The following HINT3 variants were observed in gnomAD, a reference collection of about 807,000 sequenced individuals.
The protein encoded by HINT3 is adenosine 5'-monophosphoramidase HINT3.
HINT3 carries 16 observed loss-of-function variants against 19.1 expected under a neutral mutation model. That is an observed-to-expected ratio of 0.84 (90% CI 0.57 to 1.27). The LOEUF (loss-of-function observed/expected upper bound fraction) is 1.27. Among genes scored for constraint, HINT3 ranks in the 50% most tolerant of loss-of-function variants. HINT3 has a pLI of 0.00. For synonymous variants in HINT3, 75 were observed against 84.8 expected, an observed-to-expected ratio of 0.88 and a Z score of 0.63; for missense variants, 197 against 225.8, an observed-to-expected ratio of 0.87 and a Z score of 0.82.
intron 1 of HINT3, among the ~76,000 whole-genome samples, chr6:125,961,622 T>G (rs1788927780): frequency 6.6e-6 from 1 of 152,162 alleles, no homozygotes; most frequent in Non-Finnish European, 1.5e-5. Flanking sequence ...AGGATGCTGC[T>G]GAAGAGATGA....
intron 2 of HINT3, among the ~76,000 whole-genome samples, chr6:125,969,140 C>T (rs1356995422): frequency 6.6e-6 from 1 of 152,118 alleles, no homozygotes; most frequent in Non-Finnish European, 1.5e-5. Flanking sequence ...AGTTTGAGGT[C>T]CTACATTTAA....
Position 125,956,950 on chromosome 6 carries a change from A to G in HINT3, c.-28A>G, listed in dbSNP as rs1788842383. 1 of 1,546,132 alleles carries G rather than the reference A, an allele frequency of 6.5e-7. No homozygotes were observed. The highest frequency in any genetic ancestry group is 8.7e-7 in the Non-Finnish European group (1 of 1,144,852). On this transcript the variant is annotated 5_prime_UTR_variant, in exon 1 of 5. Coordinates refer to ENST00000229633, the MANE Select transcript of HINT3 (RefSeq NM_138571.5). ...GGGCCCGGTAGCCCTGGAGAGGCCGAGGCTCTAGGCCGCGAGGGGCGGGTG... is the reference window on the plus strand; with the variant it reads ...GGGCCCGGTAGCCCTGGAGAGGCCGGGGCTCTAGGCCGCGAGGGGCGGGTG...
Position 125,962,249 on chromosome 6 carries a change from T to C in HINT3, c.202-4638T>C, listed in dbSNP as rs1176568192. 4.4e-4 allele frequency among the ~76,000 whole-genome samples: 9 copies of C among 20,634 alleles called. 1 individual carries two copies. Among genetic ancestry groups the C allele is most frequent in the Admixed American group, 6.2e-4 (1 of 1,614 alleles). The allele number at this position is 20,634 out of a possible 152,430, so 13.5% of individuals were successfully genotyped here. A position where few individuals can be genotyped will look rare whatever the true frequency, so the allele number is the denominator to read the frequency against. On this transcript the variant is annotated intron_variant, in intron 1 of 4. Coordinates refer to ENST00000229633, the MANE Select transcript of HINT3 (RefSeq NM_138571.5). ...ATATATATATACACATATATATATA[T>C]ACACACATATATATATATATACATA... is the stretch of plus-strand genomic sequence containing the variant.
rs1473283435 is a variant in HINT3, at chr6:125,956,945, G to A, written c.-33G>A. 4 of 1,544,694 alleles carry A rather than the reference G, an allele frequency of 2.6e-6. No individual in the cohort carries two copies. The South Asian group carries it at 4.8e-5, about 18-fold the overall frequency. On this transcript the variant is annotated 5_prime_UTR_variant, in exon 1 of 5. Transcript: ENST00000229633. ...TGCGCGGGCCCGGTAGCCCTGGAGA[G>A]GCCGAGGCTCTAGGCCGCGAGGGGC...
intron 1 of HINT3, among the ~76,000 whole-genome samples, chr6:125,965,324 C>A (rs1026914146): frequency 1.3e-5 from 2 of 152,084 alleles, no homozygotes; most frequent in African/African-American, 4.8e-5. Flanking sequence ...AGGTTGTATT[C>A]TGTACCAGAA....
intron 1 of HINT3, among the ~76,000 whole-genome samples, chr6:125,962,330 T>A (rs1788957714): frequency 7.6e-6 from 1 of 132,340 alleles, no homozygotes; most frequent in African/African-American, 3.0e-5. Context: ...TATATATATA[T>A]CACACACACA....
At position 125,959,538 on chromosome 6, in the gene HINT3, G is replaced by A. The variant is rs540417570; in HGVS notation, c.201+2360G>A. ...CCCCAAAGTGATGTTCATTGACCTT[G>A]AGGAGAGCAATTTCATGAAGTGGTG... is the stretch of plus-strand genomic sequence containing the variant. On this transcript the variant is annotated intron_variant, in intron 1 of 4. Coordinates refer to ENST00000229633, the MANE Select transcript of HINT3 (RefSeq NM_138571.5). Among the ~76,000 whole-genome samples the A allele has an allele frequency of 7.2e-5, 11 of 152,338 alleles. No individual in the cohort carries two copies. In the East Asian group the frequency reaches 2.1e-3, roughly 29 times the overall value.
chr6:125,960,675 GA>G, intron 1 of HINT3, among the ~76,000 whole-genome samples: 1 of 110,084 alleles, frequency 9.1e-6, no homozygotes, highest in Non-Finnish European at 1.9e-5. Flanking sequence ...GAAAAAAAAA[GA>G]AGTTAGGGCA....
Position 125,962,310 on chromosome 6 carries a change from CACATATATAT to C in HINT3, c.202-4575_202-4566del, listed in dbSNP as rs1562212416. Among the ~76,000 whole-genome samples the C allele has an allele frequency of 1.1e-3, 27 of 24,678 alleles. 1 individual carries two copies. The highest frequency in any genetic ancestry group is 1.3e-3 in the Non-Finnish European group (20 of 15,830). 16.2% of individuals were successfully genotyped at this position (24,678 alleles called of 152,430 possible). ...TACACATATATATATATATATATCA[CACATATATAT>C]ATATATATATCACACACACATAACC... On this transcript the variant is annotated intron_variant, in intron 1 of 4. Coordinates refer to ENST00000229633, the MANE Select transcript of HINT3 (RefSeq NM_138571.5).
Position 125,956,970 on chromosome 6 carries a change from C to T in HINT3, c.-8C>T. 1 of 1,549,312 alleles carries T rather than the reference C, an allele frequency of 6.5e-7. No homozygotes were observed. Among genetic ancestry groups the T allele is most frequent in the South Asian group, 1.2e-5 (1 of 83,994 alleles). The stretch of plus-strand genomic sequence containing the variant: ...GGCCGAGGCTCTAGGCCGCGAGGGG[C>T]GGGTGCAATGGCGGAGGAACAGGTG... On this transcript the variant is annotated 5_prime_UTR_variant, in exon 1 of 5. Transcript: ENST00000229633.
At position 125,977,948 on chromosome 6, in the gene HINT3, A is replaced by G. The variant is rs2128712395; in HGVS notation, c.*272A>G. On this transcript the variant is annotated 3_prime_UTR_variant, in exon 5 of 5. Coordinates refer to ENST00000229633, the MANE Select transcript of HINT3 (RefSeq NM_138571.5). The stretch of plus-strand genomic sequence containing the variant: ...ATCCTATTTAAGACAAATTCTGTTA[A>G]TCAACAAGGGCTCTGTATTTTTTTA... The G allele has an allele frequency of 3.6e-6, 1 of 275,824 alleles. No individual in the cohort carries two copies. 17.1% of individuals were successfully genotyped at this position (275,824 alleles called of 1,614,324 possible).
intron 1 of HINT3, among the ~76,000 whole-genome samples, chr6:125,965,276 T>C (rs1468163763): frequency 6.6e-6 from 1 of 152,194 alleles, no homozygotes; most frequent in Non-Finnish European, 1.5e-5. Flanking sequence ...TCATTCCTGC[T>C]GTGAGGTAGA....
rs1789197984 is a variant in HINT3, at chr6:125,977,681, G to A, written c.*5G>A. On this transcript the variant is annotated 3_prime_UTR_variant, in exon 5 of 5. Coordinates refer to ENST00000229633, the MANE Select transcript of HINT3 (RefSeq NM_138571.5). ...ATTGAAAAACTAAGAACATGAAAAT[G>A]TCAAGAGTGGAAGATTTTTCTAATC... 3.3e-6 allele frequency: 5 copies of A among 1,502,554 alleles called. No homozygotes were observed. The highest frequency in any genetic ancestry group is 1.4e-5 in the African/African-American group (1 of 70,276). 93.1% of individuals were successfully genotyped at this position (1,502,554 alleles called of 1,614,324 possible).
In HINT3 at chr6:125,967,521, G is replaced by A. The variant is rs538457651; in HGVS notation, c.319+517G>A. Among the ~76,000 whole-genome samples the A allele has an allele frequency of 7.2e-5, 11 of 151,924 alleles. No individual in the cohort carries two copies. In the South Asian group the frequency reaches 1.0e-3, roughly 14 times the overall value. ...TAATTTTTGTATTTTTAGTAGAGAC[G>A]GAGTTTCACCATGTTGGCCAGGCTG... is the stretch of plus-strand genomic sequence containing the variant. On this transcript the variant is annotated intron_variant, in intron 2 of 4. Coordinates refer to ENST00000229633, the MANE Select transcript of HINT3 (RefSeq NM_138571.5).
intron 2 of HINT3, among the ~76,000 whole-genome samples, chr6:125,971,827 A>C (rs1789105836): frequency 6.9e-6 from 1 of 143,904 alleles, no homozygotes; most frequent in African/African-American, 2.6e-5. Context: ...CTCTTGCCTC[A>C]GCCTCCCGAG....
chr6:125,968,482 A>C (rs1789049545), intron 2 of HINT3, among the ~76,000 whole-genome samples: 1 of 152,126 alleles, frequency 6.6e-6, no homozygotes, highest in Non-Finnish European at 1.5e-5. Flanking sequence ...ATACAAGTGC[A>C]TGTGTCTTTT....
intron 1 of HINT3, among the ~76,000 whole-genome samples, chr6:125,962,931 A>G (rs1788963737): frequency 6.6e-6 from 1 of 152,176 alleles, no homozygotes; most frequent in South Asian, 2.1e-4. Context: ...GAAGAAAAAA[A>G]AGTCTTAAAA....
intron 1 of HINT3, among the ~76,000 whole-genome samples, chr6:125,960,657 G>GGGGGA (rs1033973652): frequency 7.2e-6 from 1 of 138,574 alleles, no homozygotes; most frequent in Non-Finnish European, 1.6e-5. Context: ...ACTCTCTCTG[G>GGGGGA]GGGGGGGGAA....
intron 2 of HINT3, among the ~76,000 whole-genome samples, chr6:125,967,639 A>G (rs1380979003): frequency 6.6e-6 from 1 of 152,094 alleles, no homozygotes; most frequent in Non-Finnish European, 1.5e-5. Context: ...GCCTATTTCT[A>G]TGACTTTTTA....
Sources: allele counts gnomAD v4.1 joint callset (sites outside exome capture counted in the v4.1 genomes callset), GRCh38; gene constraint gnomAD v4.1.1; transcripts MANE v1.5; gene names NCBI Gene and HGNC (gene_info 2026-07-23, HGNC 2026-07-21).